The following DMKN variants were observed in gnomAD, a reference collection of about 807,000 sequenced individuals.
DMKN encodes the protein dermokine, also known as epidermis-specific secreted protein SK30/SK89.
Under a neutral mutation model 67.6 loss-of-function variants are expected in DMKN, and 58 were observed. The ratio of observed to expected loss-of-function variants is 0.86; its 90% CI spans 0.69 to 1.07. The LOEUF (loss-of-function observed/expected upper bound fraction) is 1.07. Among genes scored for constraint, DMKN ranks in the 50% least tolerant of loss-of-function variants. The probability of loss-of-function intolerance (pLI) is 0.00; values close to 1 mark genes in which losing one functional copy is unlikely to be tolerated. For synonymous variants in DMKN, 240 were observed against 232.3 expected (o/e 1.03, Z -0.30); for missense variants, 596 against 601.5 (o/e 0.99, Z 0.10).
At chr19:35,508,208 C>T (rs2069980262) in intron 7 of DMKN, 2 of 1,552,130 alleles carry the variant, frequency 1.3e-6, no homozygotes, top group African/African-American at 2.7e-5. Context: ...CTCTTACCCT[C>T]ATGTTGCTGG....
At chr19:35,499,167 G>C (rs1213585121) in intron 13 of DMKN, 3 of 521,536 alleles carry the variant, frequency 5.8e-6, no homozygotes. Context: ...CCTCGCTTTG[G>C]CCTGCCAGGT....
intron 7 of DMKN, chr19:35,506,268 T>A: frequency 7.3e-7 from 1 of 1,373,934 alleles, no homozygotes; most frequent in Non-Finnish European, 9.6e-7. Flanking sequence ...CCGGATTGCT[T>A]CATCCCCACC....
chr19:35,511,906 G>T, intron 3 of DMKN, 93 bp from the exon 4 acceptor site: 2 of 1,396,032 alleles, frequency 1.4e-6, no homozygotes, highest in Non-Finnish European at 9.6e-7. Context: ...CCCATTCTTT[G>T]GGGCTTGGCT....
Position 35,512,328 on chromosome 19 carries a change from C to T in DMKN, c.684+93G>A, listed in dbSNP as rs965307466. ...TCTTCCTCTCACCCCAATCCCTCCA[C>T]TCCCCCATCTTGCTTTCCTCTTTGT... On this transcript the variant is annotated intron_variant, in intron 3 of 15. Transcript: ENST00000339686. The T allele has an allele frequency of 4.6e-6, 7 of 1,513,464 alleles. No individual in the cohort carries two copies. The African/African-American group carries it at 8.3e-5, about 18-fold the overall frequency. 93.8% of individuals were successfully genotyped at this position (1,513,464 alleles called of 1,614,324 possible). A position where few individuals can be genotyped will look rare whatever the true frequency, so the allele number is the denominator to read the frequency against.
chr19:35,512,203 G>A (rs1436265026), intron 3 of DMKN, among the ~76,000 whole-genome samples: 1 of 151,902 alleles, frequency 6.6e-6, no homozygotes, highest in Admixed American at 6.6e-5. Context: ...TCACCATGTT[G>A]ACCAGGCTGG....
chr19:35,507,490 G>A (rs904026816), intron 7 of DMKN: 27 of 1,551,398 alleles, frequency 1.7e-5, no homozygotes, highest in Non-Finnish European at 2.2e-5. Context: ...CCAAGGAGGC[G>A]ATTGCCCTCT....
rs2068510688 is a variant in DMKN at position 35,502,154 on chromosome 19, G to A, written c.1221C>T (p.Asn407=). ...CCCTTACCTCAATAATTGCTTTCCA[G>A]TTGAGGAAAGGAGTGTTCTGTTTGA... ...EDFKQNTPFL[N]WKAIIEGADA... is the part of the protein sequence containing the mutation. Residue 407 remains asparagine (N), a synonymous_variant, in exon 11 of 16, where the codon AAC becomes AAT. Transcript: ENST00000339686. 1.9e-6 allele frequency: 3 copies of A among 1,614,174 alleles called. No individual in the cohort carries two copies. The Admixed American group carries it at 5.0e-5, about 27-fold the overall frequency.
chr19:35,510,472 A>G, intron 5 of DMKN: 1 of 1,551,664 alleles, frequency 6.4e-7, no homozygotes, highest in Non-Finnish European at 8.7e-7. Context: ...CTACGCAATG[A>G]TTTGGAGAAC....
At chr19:35,497,951 C>CTCTCTCTT in intron 15 of DMKN, 1 of 152,194 alleles carries the variant, frequency 6.6e-6, no homozygotes, top group South Asian at 2.1e-4. Flanking sequence ...CTTTCTCTCT[C>CTCTCTCTT]TCTCTCTTTC....
rs376906273 is a variant in DMKN, at chr19:35,502,082, C to A, written c.1239+54G>T. On this transcript the variant is annotated intron_variant, in intron 11 of 15. Transcript: ENST00000339686. ...GGGACAGACACCTGGGTCAGCGGCT[C>A]GCCCAGGGCCCCGAACCCTGTGTCC... 1.0e-4 allele frequency: 164 copies of A among 1,610,842 alleles called. No homozygotes were observed. In the African/African-American group the frequency reaches 2.1e-3, roughly 21 times the overall value.
chr19:35,500,339 C>G (rs1378314679), intron 12 of DMKN, 194 bp downstream of exon 12: 7 of 1,546,128 alleles, frequency 4.5e-6, no homozygotes, highest in Non-Finnish European at 5.3e-6. Context: ...AAAAGAAGTG[C>G]CAGGACGTAA....
intron 13 of DMKN, chr19:35,499,394 T>C (rs1312806425): frequency 5.4e-6 from 1 of 184,806 alleles, no homozygotes; most frequent in East Asian, 1.7e-4. Flanking sequence ...AAATTTGTAC[T>C]TAGCATATTC....
chr19:35,510,087 A>G, intron 6 of DMKN, 97 bp downstream of exon 6: 1 of 1,567,658 alleles, frequency 6.4e-7, no homozygotes, highest in Non-Finnish European at 8.7e-7. Flanking sequence ...ATCCAGCCCC[A>G]TCTCCGCGGA....
In DMKN at chr19:35,513,204, A is replaced by G. The variant is rs4806163; in HGVS notation, c.272T>C (p.Val91Ala). Residue 91 changes from valine (V) to alanine (A), a missense_variant, in exon 1 of 16, where the codon GTA (valine) becomes GCA (alanine). Coordinates refer to ENST00000339686, the MANE Select transcript of DMKN (RefSeq NM_033317.5). The stretch of plus-strand genomic sequence containing the variant: ...GACCCTGTTGCCCAAAGCATCTGCT[A>G]CGCCAAAGCCTGGAACCTGCCTGAC... ...TGVRQVPGFG[V>A]ADALGNRVGE... 1,280,872 of 1,614,126 alleles carry G rather than the reference A, an allele frequency of 0.79. 509,988 individuals carry two copies. The highest frequency in any genetic ancestry group is 0.96 in the African/African-American group (72,225 of 75,046).
In DMKN at chr19:35,511,406, C is replaced by G. The variant is rs777665058; in HGVS notation, c.918+5G>C. The G allele has an allele frequency of 1.4e-5, 23 of 1,608,664 alleles. No homozygotes were observed. The highest frequency in any genetic ancestry group is 1.9e-5 in the Non-Finnish European group (22 of 1,179,874). On this transcript the variant is annotated splice_donor_5th_base_variant and intron_variant, in intron 5 of 15. Coordinates refer to ENST00000339686, the MANE Select transcript of DMKN (RefSeq NM_033317.5). ...CTCAGCCTTCCACAGAGGTGCCAAACTCACCCAGGAGGACTCACTGCCGCT... is the reference window on the plus strand; with the variant it reads ...CTCAGCCTTCCACAGAGGTGCCAAAGTCACCCAGGAGGACTCACTGCCGCT...
At chr19:35,506,331 A>C in intron 7 of DMKN, 1 of 797,896 alleles carries the variant, frequency 1.3e-6, no homozygotes, top group East Asian at 2.7e-5. Flanking sequence ...TCTTCCTTAC[A>C]CAGCACCAAA....
rs370245126 is a variant in DMKN, at chr19:35,513,517, C to T, written c.-42G>A. 6.1e-5 allele frequency: 96 copies of T among 1,561,148 alleles called. No homozygotes were observed. Among genetic ancestry groups the T allele is most frequent in the Non-Finnish European group, 7.5e-5 (87 of 1,163,854 alleles). On this transcript the variant is annotated 5_prime_UTR_variant, in exon 1 of 16. In the 5' UTR this introduces an upstream ATG that the reference lacks. Coordinates refer to ENST00000339686, the MANE Select transcript of DMKN (RefSeq NM_033317.5). The stretch of plus-strand genomic sequence containing the variant: ...CTCTCTCCAGAGTGTCTTCCTCCCA[C>T]CAGGGTCTCCTCCTTGCCGCCCTTG...
rs774250876 is a variant in DMKN at position 35,513,480 on chromosome 19, GCCCAGC to G, written c.-11_-6del. On this transcript the variant is annotated 5_prime_UTR_variant, in exon 1 of 16. Coordinates refer to ENST00000339686, the MANE Select transcript of DMKN (RefSeq NM_033317.5). Reference sequence around the variant, plus strand: ...CAGGGGCCCCTGGAACTTCATCTCTGCCCAGCCCCCTCTCTCTCCAGAGTGTCTTCC... The same window carrying G: ...CAGGGGCCCCTGGAACTTCATCTCTGCCCCTCTCTCTCCAGAGTGTCTTCC... 8 of 1,591,906 alleles carry G rather than the reference GCCCAGC, an allele frequency of 5.0e-6. No homozygotes were observed. Among genetic ancestry groups the G allele is most frequent in the Non-Finnish European group, 4.2e-6 (5 of 1,176,876 alleles).
chr19:35,502,878 G>C lies in DMKN; in HGVS notation c.1143C>G (p.Val381=). 6.2e-7 allele frequency: 1 copy of C among 1,613,968 alleles called. No homozygotes were observed. Among genetic ancestry groups the C allele is most frequent in the Non-Finnish European group, 8.5e-7 (1 of 1,179,940 alleles). ...INWDAINKNQ[V]PPPSTRALLY... ...GGAGGGCTCGGGTGCTGGGGGGCGGGACCTGGTTCTGTGGATGAAAGGCGG... is the reference window on the plus strand; with the variant it reads ...GGAGGGCTCGGGTGCTGGGGGGCGGCACCTGGTTCTGTGGATGAAAGGCGG... The change falls in exon 10 of 16, where the codon GTC becomes GTG. Residue 381 remains valine (V), a synonymous_variant. Transcript: ENST00000339686.
Sources: gnomAD v4.1 joint callset for allele counts (sites outside exome capture counted in the v4.1 genomes callset) on GRCh38, gnomAD v4.1.1 for gene constraint, MANE v1.5 for transcripts, NCBI Gene and HGNC (gene_info 2026-07-23, HGNC 2026-07-21) for gene names.